NRG1: variants seen among roughly 807,000 people sequenced by gnomAD.
NRG1 encodes the protein pro-neuregulin-1, membrane-bound isoform.
NRG1 carries 18 observed loss-of-function variants against 63.8 expected under a neutral mutation model. That is an observed-to-expected ratio of 0.28 (90% confidence interval 0.19 to 0.42). NRG1 has a LOEUF of 0.42. Ranked by LOEUF, NRG1 falls within the 10% of genes least tolerant of loss-of-function variation. NRG1 has a pLI of 1.00. For synonymous variants in NRG1, 302 were observed against 301.3 expected (o/e 1.00, Z -0.02); for missense variants, 762 against 814.7 (o/e 0.94, Z 0.79).
Position 32,033,165 on chromosome 8 carries a change from G to A in NRG1, c.37+393734G>A, listed in dbSNP as rs552250011. On this transcript the variant is annotated intron_variant, in intron 1 of 10. Transcript: ENST00000519301. ...GCTGGAGTGCAGTGGCAGGATCTTG[G>A]CTCACTGCAAGCTCCACCTCCCGGG... 4.0e-3 allele frequency among the ~76,000 whole-genome samples: 595 copies of A among 150,390 alleles called. 3 individuals carry two copies. Among genetic ancestry groups the A allele is most frequent in the African/African-American group, 0.014 (557 of 40,816 alleles).
chr8:32,066,606 T>G lies in NRG1; in HGVS notation c.37+427175T>G, dbSNP rs548455253. On this transcript the variant is annotated intron_variant, in intron 1 of 10. Transcript: ENST00000519301. ...GTTACTGTAGCCTTGTAGTATAGTT[T>G]GAAGTCAGGTAGCATGATGCCTCCA... Among the ~76,000 whole-genome samples the G allele has an allele frequency of 2.3e-3, 347 of 152,236 alleles. 1 individual carries two copies. The highest frequency in any genetic ancestry group is 8.1e-3 in the African/African-American group (336 of 41,564).
chr8:32,141,323 C>A lies in NRG1; in HGVS notation c.38-454505C>A, dbSNP rs137985916. The stretch of plus-strand genomic sequence containing the variant: ...GGGCTCAATGCAGATTTGCCACTAA[C>A]TCTTTGGCAGTATAGAATTCACTAG... On this transcript the variant is annotated intron_variant, in intron 1 of 10. Coordinates refer to the NRG1 transcript ENST00000519301. Among the ~76,000 whole-genome samples the A allele has an allele frequency of 3.9e-3, 587 of 151,914 alleles. 3 individuals carry two copies. The highest frequency in any genetic ancestry group is 0.013 in the African/African-American group (559 of 41,434).
intron 1 of NRG1, among the ~76,000 whole-genome samples, chr8:32,540,068 G>T (rs1415921172): frequency 6.6e-6 from 1 of 152,098 alleles, no homozygotes. Flanking sequence ...AGGGTCAAAA[G>T]AAAGGTTTTG....
intron 5 of NRG1, among the ~76,000 whole-genome samples, chr8:32,656,154 A>G (rs901913448): frequency 7.2e-5 from 11 of 152,176 alleles, no homozygotes; most frequent in Non-Finnish European, 1.5e-4. Flanking sequence ...ACATACATAC[A>G]TATAATTCAT....
intron 1 of NRG1, among the ~76,000 whole-genome samples, chr8:31,782,912 A>G (rs931207779): frequency 6.6e-6 from 1 of 152,150 alleles, no homozygotes; most frequent in Middle Eastern, 3.2e-3. Flanking sequence ...AAGGGATTCA[A>G]GGGGTTCACA....
intron 1 of NRG1, among the ~76,000 whole-genome samples, chr8:31,799,162 C>T (rs1046381272): frequency 6.6e-6 from 1 of 152,110 alleles, no homozygotes; most frequent in East Asian, 1.9e-4. Flanking sequence ...TTTTAACACA[C>T]ATTGGAAATA....
chr8:31,802,106 TGC>T (rs1821847312), intron 1 of NRG1, among the ~76,000 whole-genome samples: 5 of 152,364 alleles, frequency 3.3e-5, no homozygotes, highest in African/African-American at 1.2e-4. Context: ...CAGAAATTTG[TGC>T]TTCACAGGGC....
chr8:32,156,866 G>T (rs1838140408), intron 1 of NRG1, among the ~76,000 whole-genome samples: 1 of 152,170 alleles, frequency 6.6e-6, no homozygotes, highest in Non-Finnish European at 1.5e-5. Context: ...AGCCTAGGAG[G>T]CTGAAGGCTT....
At chr8:32,054,798 C>A (rs113791526) in intron 1 of NRG1, among the ~76,000 whole-genome samples, 2 of 149,090 alleles carry the variant, frequency 1.3e-5, no homozygotes, top group Non-Finnish European at 3.0e-5. Context: ...CTCAGGTATA[C>A]CTAAACTTGG....
At chr8:32,127,175 A>G (rs1834185861) in intron 1 of NRG1, among the ~76,000 whole-genome samples, 1 of 151,948 alleles carries the variant, frequency 6.6e-6, no homozygotes, top group Non-Finnish European at 1.5e-5. Flanking sequence ...CCTAGGATGT[A>G]GGACAAGTGG....
At chr8:31,800,438 T>C (rs1466204516) in intron 1 of NRG1, among the ~76,000 whole-genome samples, 1 of 152,216 alleles carries the variant, frequency 6.6e-6, no homozygotes, top group East Asian at 1.9e-4. Context: ...TGAGTGTTTT[T>C]AAAGCATGTC....
chr8:32,412,160 C>T (rs1815058081), intron 1 of NRG1, among the ~76,000 whole-genome samples: 1 of 152,022 alleles, frequency 6.6e-6, no homozygotes, highest in South Asian at 2.1e-4. Flanking sequence ...TGAGCTGGGA[C>T]ATCAATCTTC....
chr8:32,673,412 C>T (rs1412244676), intron 5 of NRG1, among the ~76,000 whole-genome samples: 1 of 152,030 alleles, frequency 6.6e-6, no homozygotes, highest in Non-Finnish European at 1.5e-5. Context: ...ATAGTGGAAT[C>T]GATTAAATCA....
intron 1 of NRG1, among the ~76,000 whole-genome samples, chr8:31,968,898 G>A (rs918186399): frequency 8.5e-5 from 13 of 152,160 alleles, no homozygotes; most frequent in African/African-American, 3.1e-4. Flanking sequence ...CTATAACTGT[G>A]CCTTTAACAT....
At chr8:31,819,192 T>C (rs1395800030) in intron 1 of NRG1, among the ~76,000 whole-genome samples, 1 of 128,904 alleles carries the variant, frequency 7.8e-6, no homozygotes, top group Non-Finnish European at 1.8e-5. Context: ...CGAGCTATGA[T>C]TGTGCTACTT....
intron 1 of NRG1, among the ~76,000 whole-genome samples, chr8:31,899,109 CT>C (rs35827479): frequency 0.47 from 68,804 of 147,410 alleles, 16,156 homozygotes; most frequent in East Asian, 0.74. Flanking sequence ...TTTAAGTTTC[CT>C]TTTTTTTTTT....
chr8:31,800,444 A>G (rs981998686), intron 1 of NRG1, among the ~76,000 whole-genome samples: 1 of 152,178 alleles, frequency 6.6e-6, no homozygotes, highest in African/African-American at 2.4e-5. Context: ...TTTTTAAAGC[A>G]TGTCTTATAG....
At chr8:32,029,942 G>T (rs1465765261) in intron 1 of NRG1, among the ~76,000 whole-genome samples, 1 of 151,508 alleles carries the variant, frequency 6.6e-6, no homozygotes, top group Non-Finnish European at 1.5e-5. Flanking sequence ...AACATCTCTG[G>T]ACTCTAAATA....
chr8:32,020,111 T>C (rs533858139), intron 1 of NRG1, among the ~76,000 whole-genome samples: 2 of 152,334 alleles, frequency 1.3e-5, no homozygotes, highest in East Asian at 1.9e-4. Flanking sequence ...AATTGACATC[T>C]TAACAATATA....
Sources: allele counts gnomAD v4.1 joint callset (sites outside exome capture counted in the v4.1 genomes callset), GRCh38; gene constraint gnomAD v4.1.1; transcripts MANE v1.5; gene names NCBI Gene and HGNC (gene_info 2026-07-23, HGNC 2026-07-21).